Variants in LRP2BP observed in about 807,000 individuals in gnomAD.
The protein encoded by LRP2BP is LRP2 binding protein, also known as LRP2-binding protein.
A neutral mutation model predicts 45.2 loss-of-function variants in LRP2BP; 38 were observed. The observed-to-expected ratio is 0.84, with a 90% CI of 0.65 to 1.10. The LOEUF (loss-of-function observed/expected upper bound fraction) is 1.10. Among genes scored for constraint, LRP2BP ranks in the 50% least tolerant of loss-of-function variants. LRP2BP has a pLI of 0.00. For synonymous variants in LRP2BP, 153 were observed against 153.9 expected (o/e 0.99, Z 0.04); for missense variants, 385 against 418.9 (o/e 0.92, Z 0.71).
intron 1 of LRP2BP, among the ~76,000 whole-genome samples, chr4:185,381,077 G>T (rs1579998757): frequency 6.6e-6 from 1 of 152,264 alleles, no homozygotes. Flanking sequence ...CACTTTGGAA[G>T]TCCTGTTGTA....
chr4:185,396,865 G>A (rs2126866560), upstream of LRP2BP: 2 of 1,583,042 alleles, frequency 1.3e-6, no homozygotes, highest in Non-Finnish European at 8.7e-7. Context: ...GTCGGGGTGC[G>A]GCGAGTGTCT....
rs573373022 is a variant in LRP2BP at position 185,394,885 on chromosome 4, G to C, written c.-128C>G. 5.1e-6 allele frequency: 5 copies of C among 985,364 alleles called. No individual in the cohort carries two copies. The African/African-American group carries it at 8.7e-5, about 17-fold the overall frequency. The allele number at this position is 985,364 out of a possible 1,614,324, so 61.0% of individuals were successfully genotyped here. A position where few individuals can be genotyped will look rare whatever the true frequency, so the allele number is the denominator to read the frequency against. On this transcript the variant is annotated 5_prime_UTR_variant, in exon 1 of 9. Transcript: ENST00000505916. The stretch of plus-strand genomic sequence containing the variant: ...TAGAATTAGCACTGCTTAGGAGAAC[G>C]CCTATAAAATATGCATCTTAGATCA...
chr4:185,384,102 G>A (rs1420735961), intron 1 of LRP2BP, among the ~76,000 whole-genome samples: 1 of 152,166 alleles, frequency 6.6e-6, no homozygotes, highest in Non-Finnish European at 1.5e-5. Flanking sequence ...CCCCTAAGGT[G>A]ATGGTATTAA....
intron 7 of LRP2BP, 45 bp from the exon 8 acceptor site, chr4:185,370,859 G>C (rs202001295): frequency 6.3e-7 from 1 of 1,597,798 alleles, no homozygotes; most frequent in African/African-American, 1.3e-5. Context: ...ATCAGTTATG[G>C]TAAGTGTTTG....
chr4:185,395,510 T>A lies in LRP2BP; in HGVS notation c.-753A>T, dbSNP rs965435222. The A allele has an allele frequency of 7.1e-6, 7 of 985,196 alleles. No individual in the cohort carries two copies. The Admixed American group carries it at 4.3e-4, about 61-fold the overall frequency. The allele number at this position is 985,196 out of a possible 1,614,324, so 61.0% of individuals were successfully genotyped here. A position where few individuals can be genotyped will look rare whatever the true frequency, so the allele number is the denominator to read the frequency against. ...ACCTCACAAATCTGACAACAGTATCTCTACACTGCCGTTCTTTAAACATCA... is the reference window on the plus strand; with the variant it reads ...ACCTCACAAATCTGACAACAGTATCACTACACTGCCGTTCTTTAAACATCA... On this transcript the variant is annotated 5_prime_UTR_variant, in exon 1 of 9. Coordinates refer to ENST00000505916, the MANE Select transcript of LRP2BP (RefSeq NM_001377440.1).
intron 7 of LRP2BP, among the ~76,000 whole-genome samples, chr4:185,371,483 A>C (rs1036597756): frequency 1.3e-5 from 2 of 148,520 alleles, no homozygotes; most frequent in East Asian, 4.1e-4. Flanking sequence ...CAGAGCTTGC[A>C]GTGAGCCGAG....
At chr4:185,373,113 G>C in intron 6 of LRP2BP, 34 bp from the exon 7 acceptor site, 1 of 1,546,038 alleles carries the variant, frequency 6.5e-7, no homozygotes, top group Non-Finnish European at 8.9e-7. Context: ...TTGTATTTGT[G>C]ATCCACTAGA....
chr4:185,371,268 G>A (rs192147718), intron 7 of LRP2BP, among the ~76,000 whole-genome samples: 329 of 152,174 alleles, frequency 2.2e-3, no homozygotes, highest in African/African-American at 5.6e-3. Context: ...GGCTGGGCGC[G>A]GTGGCTCACG....
chr4:185,392,438 A>G (rs2095490612), intron 1 of LRP2BP, among the ~76,000 whole-genome samples: 1 of 152,196 alleles, frequency 6.6e-6, no homozygotes, highest in African/African-American at 2.4e-5. Flanking sequence ...AAGAAGTTTG[A>G]GTTATCAAGG....
intron 1 of LRP2BP, among the ~76,000 whole-genome samples, chr4:185,387,105 G>C (rs1375103702): frequency 6.6e-6 from 1 of 152,118 alleles, no homozygotes; most frequent in African/African-American, 2.4e-5. Context: ...AATTAGCTGG[G>C]CTAGTGGTGG....
chr4:185,396,772 G>T, upstream of LRP2BP: 1 of 793,236 alleles, frequency 1.3e-6, no homozygotes, highest in Non-Finnish European at 2.1e-6. Context: ...CCGGAGCTGG[G>T]GCGCGGCTGC....
intron 1 of LRP2BP, among the ~76,000 whole-genome samples, chr4:185,387,931 A>C (rs80119051): frequency 0.055 from 8,364 of 152,192 alleles, 268 homozygotes; most frequent in South Asian, 0.096. Context: ...CTCCCTCTCT[A>C]ACTCCTTTTC....
At chr4:185,375,870 G>C in intron 3 of LRP2BP, 144 bp from the exon 4 acceptor site, 1 of 484,896 alleles carries the variant, frequency 2.1e-6, no homozygotes, top group Non-Finnish European at 3.7e-6. Context: ...GCCCCACGCT[G>C]AGGAAGCATG....
At chr4:185,385,532 A>T (rs2095468598) in intron 1 of LRP2BP, among the ~76,000 whole-genome samples, 2 of 152,212 alleles carry the variant, frequency 1.3e-5, no homozygotes, top group Admixed American at 1.3e-4. Flanking sequence ...ATCTTTTATA[A>T]AATATTCATT....
At chr4:185,371,539 C>T (rs1170601400) in intron 7 of LRP2BP, among the ~76,000 whole-genome samples, 1 of 42,398 alleles carries the variant, frequency 2.4e-5, no homozygotes, top group Non-Finnish European at 4.5e-5. Context: ...GAGACTCCGT[C>T]TAAAAAAAAA....
In LRP2BP at chr4:185,372,927, A is replaced by G. The variant is rs200642155; in HGVS notation, c.732T>C (p.Tyr244=). Residue 244 remains tyrosine, a synonymous_variant, in exon 7 of 9, where the codon TAT becomes TAC. Coordinates refer to ENST00000505916, the MANE Select transcript of LRP2BP (RefSeq NM_001377440.1). The stretch of plus-strand genomic sequence containing the variant: ...AATACTCCACGAGATTCCCTTGAGC[A>G]TAGACGTTTCCGCGTTCTGCTGCTT... ...LREAAERGNV[Y]AQGNLVEYYY... is the part of the protein sequence containing the mutation. The G allele has an allele frequency of 1.9e-5, 30 of 1,613,926 alleles. No homozygotes were observed. In the African/African-American group the frequency reaches 2.9e-4, roughly 16 times the overall value.
In LRP2BP at chr4:185,379,386, G is replaced by T. The variant is rs563250579; in HGVS notation, c.-21-1179C>A. ...TGGATGTGGAAGTTTTATTTTCATT[G>T]AAGACATTAACTCAATATGCTACTT... On this transcript the variant is annotated intron_variant, in intron 1 of 8. Transcript: ENST00000505916. 2.0e-5 allele frequency among the ~76,000 whole-genome samples: 3 copies of T among 152,270 alleles called. No individual in the cohort carries two copies. The South Asian group carries it at 6.2e-4, about 32-fold the overall frequency.
rs759875522 is a variant in LRP2BP, at chr4:185,372,970, G to A, written c.689C>T (p.Ala230Val). Residue 230 changes from alanine to valine, a missense_variant, in exon 7 of 9, where the codon GCC (alanine) becomes GTC (valine). Physicochemically the swap from Ala to Val is moderately conservative, Grantham distance 64. Coordinates refer to ENST00000505916, the MANE Select transcript of LRP2BP (RefSeq NM_001377440.1). ...GQGIRQDTEA[A>V]LQCLREAAER... ...TGCTGCTTCTCTTAAGCACTGCAGG[G>A]CAGCTTCCGTATCCTGCCGGATGCC... 10 of 1,613,882 alleles carry A rather than the reference G, an allele frequency of 6.2e-6. No homozygotes were observed. In the East Asian group the frequency reaches 2.2e-4, roughly 36 times the overall value.
chr4:185,383,040 G>T (rs1358944976), intron 1 of LRP2BP, among the ~76,000 whole-genome samples: 1 of 152,138 alleles, frequency 6.6e-6, no homozygotes, highest in Non-Finnish European at 1.5e-5. Flanking sequence ...ATATCCATTT[G>T]CCCAGTACCT....
Sources: allele counts gnomAD v4.1 joint callset (sites outside exome capture counted in the v4.1 genomes callset), GRCh38; gene constraint gnomAD v4.1.1; transcripts MANE v1.5; gene names NCBI Gene and HGNC (gene_info 2026-07-23, HGNC 2026-07-21).